The following TPM4 variants were observed in gnomAD, a reference collection of about 807,000 sequenced individuals.
TPM4 encodes the protein tropomyosin alpha-4 chain.
In TPM4, 17 loss-of-function variants were observed where a neutral mutation model predicts 35.8. The ratio of observed to expected loss-of-function variants is 0.47; its 90% CI spans 0.32 to 0.71. TPM4 has a LOEUF of 0.71. TPM4 is among the 30% of genes least tolerant of loss of function. TPM4 has a pLI of 0.03. For missense variants in TPM4, 240 were observed against 320.9 expected, an observed-to-expected ratio of 0.75 and a Z score of 1.93; for synonymous variants, 120 against 122.9, an observed-to-expected ratio of 0.98 and a Z score of 0.15.
chr19:16,084,569 C>T (rs985207286), intron 2 of TPM4, among the ~76,000 whole-genome samples: 6 of 152,208 alleles, frequency 3.9e-5, no homozygotes, highest in African/African-American at 1.4e-4. Context: ...CTTGTTTGCA[C>T]CATGTCCCCA....
chr19:16,067,596 C>A lies in TPM4; in HGVS notation c.-29C>A. The A allele has an allele frequency of 6.2e-7, 1 of 1,603,838 alleles. No individual in the cohort carries two copies. The highest frequency in any genetic ancestry group is 8.5e-7 in the Non-Finnish European group (1 of 1,173,954). On this transcript the variant is annotated 5_prime_UTR_variant, in exon 2 of 3. Coordinates refer to the TPM4 transcript ENST00000589897. This position sits in a 1 kb window ranked among gnomAD's most constrained non-coding sequence, Gnocchi z 4.1. The stretch of plus-strand genomic sequence containing the variant: ...CAGCCCCCACAGAGCCCGCCGCGCA[C>A]CCCACGTCCCCCACGCCAGCGCCCA...
intron 2 of TPM4, among the ~76,000 whole-genome samples, chr19:16,071,120 A>T (rs1387225988): frequency 6.6e-6 from 1 of 152,216 alleles, no homozygotes; most frequent in Non-Finnish European, 1.5e-5. Context: ...CTTGGGCTCA[A>T]AGCAAGTCTA....
At chr19:16,096,580 T>C (rs2090700263) in intron 7 of TPM4, among the ~76,000 whole-genome samples, 1 of 152,146 alleles carries the variant, frequency 6.6e-6, no homozygotes, top group Non-Finnish European at 1.5e-5. Flanking sequence ...TTCTCTGTGT[T>C]ACACTGTGAG....
At chr19:16,074,468 C>T (rs1449431072), upstream of TPM4, 1 of 152,186 alleles carries the variant, frequency 6.6e-6, no homozygotes, top group Non-Finnish European at 1.5e-5. Context: ...CTCATAAGGG[C>T]CTTAATCCCA....
chr19:16,084,788 G>A (rs937960860), intron 2 of TPM4, among the ~76,000 whole-genome samples: 19 of 152,120 alleles, frequency 1.2e-4, no homozygotes, highest in African/African-American at 4.3e-4. Context: ...GTGAGACCTC[G>A]TACAGGTGGG....
At chr19:16,089,934 C>T (rs2090605427) in intron 5 of TPM4, among the ~76,000 whole-genome samples, 1 of 151,834 alleles carries the variant, frequency 6.6e-6, no homozygotes. Context: ...TCTCAGCTTA[C>T]TGCAGCCTTC....
chr19:16,069,519 C>T (rs1210250092), intron 2 of TPM4, among the ~76,000 whole-genome samples: 7 of 358 alleles, frequency 0.02, 1 homozygote, highest in African/African-American at 0.03. Context: ...TTGTGTGTTT[C>T]TATTGGTGTG....
At chr19:16,084,192 G>A (rs887824192) in intron 2 of TPM4, among the ~76,000 whole-genome samples, 1 of 152,130 alleles carries the variant, frequency 6.6e-6, no homozygotes, top group South Asian at 2.1e-4. Context: ...CTCCCAAAGT[G>A]CTGGCACGCC....
chr19:16,076,708 C>A lies in TPM4; in HGVS notation c.132+11C>A, dbSNP rs2090411196. On this transcript the variant is annotated intron_variant, in intron 1 of 7. Coordinates refer to ENST00000643579, the MANE Select transcript of TPM4 (RefSeq NM_003290.3). ...GAGCGGCGCGAGAAAGTGAGCGCCC[C>A]GGCCTCGGGCCCCGCACCCGCAGCC... 2.3e-6 allele frequency: 3 copies of A among 1,328,220 alleles called. No individual in the cohort carries two copies. The highest frequency in any genetic ancestry group is 1.9e-6 in the Non-Finnish European group (2 of 1,040,298). The allele number at this position is 1,328,220 out of a possible 1,614,324, so 82.3% of individuals were successfully genotyped here. A position where few individuals can be genotyped will look rare whatever the true frequency, so the allele number is the denominator to read the frequency against.
Position 16,093,689 on chromosome 19 carries a change from G to C in TPM4, c.600G>C (p.Glu200Asp). 1 of 1,614,178 alleles carries C rather than the reference G, an allele frequency of 6.2e-7. No homozygotes were observed. Among genetic ancestry groups the C allele is most frequent in the South Asian group, 1.1e-5 (1 of 91,082 alleles). ...KLLSDKLKEAETRAEFAERTV... is the reference protein window; with the variant it reads ...KLLSDKLKEADTRAEFAERTV... ...ACTCCTTTCTTCTTATCTAGGCTGA[G>C]ACCCGTGCTGAATTTGCAGAGAGAA... is the stretch of plus-strand genomic sequence containing the variant. Residue 200 changes from glutamate to aspartate, a missense_variant, in exon 7 of 8, where the codon GAG becomes GAC. Glu to Asp is a conservative substitution (Grantham distance 45). Coordinates refer to ENST00000643579, the MANE Select transcript of TPM4 (RefSeq NM_003290.3).
rs71178641 is a variant in TPM4 at position 16,096,936 on chromosome 19, C to CTTTTTTTTTTTTTTT, written c.664+3203_664+3217dup. ...GGAATATGGAGAAAACAAGGTCACT[C>CTTTTTTTTTTTTTTT]TTTTTTTTTTTTTTTTTTTTTTTTT... On this transcript the variant is annotated intron_variant, in intron 7 of 7. Coordinates refer to ENST00000643579, the MANE Select transcript of TPM4 (RefSeq NM_003290.3). 8.7e-5 allele frequency among the ~76,000 whole-genome samples: 6 copies of CTTTTTTTTTTTTTTT among 69,050 alleles called. 1 individual carries two copies. The highest frequency in any genetic ancestry group is 2.2e-4 in the African/African-American group (4 of 18,006). 45.3% of individuals were successfully genotyped at this position (69,050 alleles called of 152,430 possible).
In TPM4 at chr19:16,092,974, C is replaced by T. The variant is rs569136672; in HGVS notation, c.532-562C>T. 1.5e-3 allele frequency: 232 copies of T among 159,924 alleles called. 2 individuals are homozygous for T. The highest frequency in any genetic ancestry group is 5.3e-3 in the African/African-American group (222 of 41,504). The allele number at this position is 159,924 out of a possible 1,614,324, so 9.9% of individuals were successfully genotyped here. Reference sequence around the variant, plus strand: ...GGTTCAAGCCATCTTCCCTCCTCAGCGTCCCCATTAGCTGGGACTACAGGT... The same window carrying T: ...GGTTCAAGCCATCTTCCCTCCTCAGTGTCCCCATTAGCTGGGACTACAGGT... On this transcript the variant is annotated intron_variant, in intron 5 of 7. Transcript: ENST00000643579.
chr19:16,088,944 C>T, intron 4 of TPM4, 101 bp from the exon 5 acceptor site: 3 of 1,573,792 alleles, frequency 1.9e-6, no homozygotes, highest in Non-Finnish European at 1.7e-6. Context: ...ACCGGGGGAG[C>T]TGTGTAGGTT....
chr19:16,069,850 G>A (rs2090339374), intron 2 of TPM4, among the ~76,000 whole-genome samples: 1 of 152,014 alleles, frequency 6.6e-6, no homozygotes, highest in Non-Finnish European at 1.5e-5. Context: ...GTTTCTGCTG[G>A]CGTGTGCATA....
chr19:16,096,936 CTTTTTTTTTTTTTT>C (rs71178641), intron 7 of TPM4, among the ~76,000 whole-genome samples: 17,999 of 68,944 alleles, frequency 0.26, 2,041 homozygotes, highest in East Asian at 0.63. Flanking sequence ...CAAGGTCACT[CTTTTTTTTTTTTTT>C]TTTTTTTTTT....
intron 7 of TPM4, among the ~76,000 whole-genome samples, chr19:16,094,930 G>A (rs772770211): frequency 3.9e-5 from 6 of 152,006 alleles, no homozygotes; most frequent in Non-Finnish European, 5.9e-5. Flanking sequence ...TCCAAAATAC[G>A]ACCTTTGGAC....
At chr19:16,069,432 T>C (rs2090330913) in intron 2 of TPM4, among the ~76,000 whole-genome samples, 3 of 26,624 alleles carry the variant, frequency 1.1e-4, no homozygotes, top group South Asian at 2.3e-3. Flanking sequence ...TGTGTATGTG[T>C]GTGAATGAGT....
At chr19:16,092,223 C>G (rs909647515) in intron 5 of TPM4, among the ~76,000 whole-genome samples, 5 of 151,308 alleles carry the variant, frequency 3.3e-5, no homozygotes, top group South Asian at 2.1e-4. Context: ...GATGGGTCAT[C>G]ATGGGGAGGG....
Position 16,071,010 on chromosome 19 carries a change from C to T in TPM4, c.114+3272C>T, listed in dbSNP as rs867242286. ...TGTGAGTGGCTATCTCCCAGGACAG[C>T]CACAAGTTCAAAAAGGAAGAATCCT... On this transcript the variant is annotated intron_variant, in intron 2 of 2. Coordinates refer to the TPM4 transcript ENST00000589897. Among the ~76,000 whole-genome samples the T allele has an allele frequency of 5.9e-5, 9 of 152,296 alleles. No homozygotes were observed. In the South Asian group the frequency reaches 1.2e-3, roughly 21 times the overall value.
Sources: gnomAD v4.1 joint callset for allele counts (sites outside exome capture counted in the v4.1 genomes callset) on GRCh38, gnomAD v4.1.1 for gene constraint, Gnocchi (gnomAD v3.1) non-coding constraint, MANE v1.5 for transcripts, NCBI Gene and HGNC (gene_info 2026-07-23, HGNC 2026-07-21) for gene names.